Variants in TFIP11 observed in about 807,000 individuals in gnomAD.
TFIP11 encodes the protein tuftelin interacting protein 11.
In TFIP11, 86 loss-of-function variants were observed where a neutral mutation model predicts 96.8. The observed-to-expected ratio is 0.89, with a 90% CI of 0.75 to 1.06. The LOEUF (loss-of-function observed/expected upper bound fraction) is 1.06. Ranked by LOEUF, TFIP11 falls within the 50% of genes least tolerant of loss-of-function variation. The pLI is 0.00. For missense variants in TFIP11, 881 were observed against 1,076.7 expected, an observed-to-expected ratio of 0.82 and a Z score of 2.54; for synonymous variants, 405 against 395.2, an observed-to-expected ratio of 1.02 and a Z score of -0.29.
intron 7 of TFIP11, among the ~76,000 whole-genome samples, chr22:26,502,583 G>A (rs929991347): frequency 2.0e-5 from 3 of 152,130 alleles, no homozygotes; most frequent in African/African-American, 4.8e-5. Context: ...GCCTGTTTAC[G>A]AACACAAATT....
At chr22:26,494,613 G>C (rs937860765) in intron 13 of TFIP11, 184 bp downstream of exon 13, 72 of 897,542 alleles carry the variant, frequency 8.0e-5, no homozygotes, top group Admixed American at 1.7e-4. Context: ...GCTTGGAACA[G>C]CTTCTGATAC....
intron 2 of TFIP11, chr22:26,511,800 T>C (rs1924094398): frequency 6.6e-6 from 1 of 152,188 alleles, no homozygotes; most frequent in Non-Finnish European, 1.5e-5. Context: ...GTGCACCGGT[T>C]GGGTGCAACG....
At chr22:26,511,414 A>C (rs1043874382) in intron 2 of TFIP11, 1 of 152,184 alleles carries the variant, frequency 6.6e-6, no homozygotes, top group Non-Finnish European at 1.5e-5. Context: ...ACACCCACAT[A>C]GTCACACCCA....
At chr22:26,502,677 G>T (rs1387669310) in intron 7 of TFIP11, among the ~76,000 whole-genome samples, 1 of 152,148 alleles carries the variant, frequency 6.6e-6, no homozygotes, top group Admixed American at 6.5e-5. Context: ...TCTCATACTG[G>T]TTAAGACTTG....
At chr22:26,495,042 A>G (rs1381767334) in intron 12 of TFIP11, 103 bp from the exon 13 acceptor site, 9 of 1,489,636 alleles carry the variant, frequency 6.0e-6, no homozygotes, top group African/African-American at 1.4e-5. Context: ...GCTTACAGCA[A>G]CCTCCGCCTC....
At position 26,491,948 on chromosome 22, in the gene TFIP11, A is replaced by G. The variant is rs1029925692; in HGVS notation, c.*65T>C. ...ACCCTTTTGAAGGTGATCTAAAAAT[A>G]CTGTTTATTTACAGTACATCCCTCT... On this transcript the variant is annotated 3_prime_UTR_variant, in exon 15 of 15. Coordinates refer to ENST00000407690, the MANE Select transcript of TFIP11 (RefSeq NM_012143.4). The G allele has an allele frequency of 3.0e-5, 43 of 1,434,118 alleles. No homozygotes were observed. Among genetic ancestry groups the G allele is most frequent in the Non-Finnish European group, 4.0e-5 (42 of 1,054,986 alleles). 88.8% of individuals were successfully genotyped at this position (1,434,118 alleles called of 1,614,324 possible). A position where few individuals can be genotyped will look rare whatever the true frequency, so the allele number is the denominator to read the frequency against.
In TFIP11 at chr22:26,506,307, T is replaced by C. The variant is rs1450346961; in HGVS notation, c.516A>G (p.Ala172=). The C allele has an allele frequency of 6.2e-7, 1 of 1,605,804 alleles. No individual in the cohort carries two copies. Among genetic ancestry groups the C allele is most frequent in the Admixed American group, 1.7e-5 (1 of 57,612 alleles). The part of the protein sequence containing the change: ...YVPGRGLGKN[A]QGIINPIEAK... The stretch of plus-strand genomic sequence containing the variant: ...AAGACGACAAAGGTGCAATACCTTG[T>C]GCATTCTTCCCGAGGCCCCGTCCAG... Residue 172 remains alanine, a synonymous_variant, in exon 6 of 15, where the codon GCA becomes GCG. Transcript: ENST00000407690.
chr22:26,502,184 G>A (rs887418057), intron 7 of TFIP11, 132 bp from the exon 8 acceptor site: 2 of 1,113,954 alleles, frequency 1.8e-6, no homozygotes, highest in African/African-American at 1.5e-5. Flanking sequence ...ATGAAGGAAG[G>A]AAAGGATGCA....
At position 26,496,886 on chromosome 22, in the gene TFIP11, C is replaced by G. The variant is rs1433730056; in HGVS notation, c.1440G>C (p.Leu480Phe). 2 of 1,613,892 alleles carry G rather than the reference C, an allele frequency of 1.2e-6. No homozygotes were observed. Among genetic ancestry groups the G allele is most frequent in the Non-Finnish European group, 8.5e-7 (1 of 1,180,022 alleles). The change falls in exon 11 of 15, where the codon TTG (leucine) becomes TTC (phenylalanine). Residue 480 changes from leucine to phenylalanine, a missense_variant. Coordinates refer to ENST00000407690, the MANE Select transcript of TFIP11 (RefSeq NM_012143.4). ...CAAAAGGCATCCAGACTTCCCATAT[C>G]AACCTATGGGAGAAAGGCAGAGGAC... ...QDLSADAFHR[L>F]IWEVWMPFVR...
intron 8 of TFIP11, 115 bp downstream of exon 8, chr22:26,501,785 C>CA (rs371327421): frequency 0.018 from 4,753 of 261,134 alleles, 11 homozygotes; most frequent in African/African-American, 0.049. Flanking sequence ...AGCAAGGTAC[C>CA]AAAAAAAAAA....
At chr22:26,499,952 G>C (rs1922573236) in intron 8 of TFIP11, among the ~76,000 whole-genome samples, 1 of 152,156 alleles carries the variant, frequency 6.6e-6, no homozygotes, top group Non-Finnish European at 1.5e-5. Flanking sequence ...TGGAAAGGTA[G>C]AAGCTGTACT....
chr22:26,502,032 G>A lies in TFIP11; in HGVS notation c.669C>T (p.Ser223=), dbSNP rs2147137659. The A allele has an allele frequency of 6.2e-7, 1 of 1,613,922 alleles. No homozygotes were observed. Among genetic ancestry groups the A allele is most frequent in the South Asian group, 1.1e-5 (1 of 91,060 alleles). ...TTCCACTTGGGTCTTTCCTCCACTG[G>A]CTCAGCTCCTTCTGAAACTCCTGAA... ...EAEEEFQKEL[S]QWRKDPSGSK... is the part of the protein sequence containing the mutation. The change falls in exon 8 of 15, where the codon AGC becomes AGT. Residue 223 remains serine, a synonymous_variant. Transcript: ENST00000407690.
At chr22:26,494,578 G>A (rs1602195604) in intron 13 of TFIP11, 2 of 732,406 alleles carry the variant, frequency 2.7e-6, no homozygotes, top group East Asian at 5.4e-5. Context: ...GTTGCTGAGA[G>A]GAGCTGAGAT....
rs528259873 is a variant in TFIP11 at position 26,491,567 on chromosome 22, G to T, written c.*446C>A. The T allele has an allele frequency of 1.9e-6, 3 of 1,614,098 alleles. No homozygotes were observed. The highest frequency in any genetic ancestry group is 1.1e-5 in the South Asian group (1 of 91,080). ...GGTTCCCTGTGCAAAAGCTAGAACA[G>T]CTCTCCATAGATATTTGGGAGTTTC... On this transcript the variant is annotated 3_prime_UTR_variant, in exon 15 of 15. Transcript: ENST00000407690.
In TFIP11 at chr22:26,506,891, C is replaced by A. The variant is rs143474250; in HGVS notation, c.247G>T (p.Ala83Ser). Reference protein sequence around the residue: ...DYSAPVNFISAGLKKGAAEEA... With the variant: ...DYSAPVNFISSGLKKGAAEEA... ...TCCGCTGCCCCTTTCTTGAGCCCTG[C>A]GCTGATGAAGTTGACTGGCGCAGAG... Residue 83 changes from alanine to serine, a missense_variant, in exon 5 of 15, where the codon GCA becomes TCA. Transcript: ENST00000407690. 6.2e-7 allele frequency: 1 copy of A among 1,614,060 alleles called. No individual in the cohort carries two copies. Among genetic ancestry groups the A allele is most frequent in the Non-Finnish European group, 8.5e-7 (1 of 1,180,044 alleles).
In TFIP11 at chr22:26,492,058, C is replaced by T. The variant is rs34981548; in HGVS notation, c.2469G>A (p.Thr823=). The T allele has an allele frequency of 2.4e-3, 3,813 of 1,609,042 alleles. 50 individuals are homozygous for T. In the Admixed American group the frequency reaches 0.026, roughly 11 times the overall value. Residue 823 remains threonine, a synonymous_variant, in exon 15 of 15, where the codon ACG becomes ACA. Coordinates refer to ENST00000407690, the MANE Select transcript of TFIP11 (RefSeq NM_012143.4). The part of the protein sequence containing the change: ...RGVVFVQGEK[T]WVPTSLQSLI... ...GGCTCTGCAGTGAGGTGGGCACCCA[C>T]GTCTTCTCGCCCTGGACAAAGACCA...
At chr22:26,493,598 C>T (rs4822727) in intron 14 of TFIP11, 128,952 of 153,826 alleles carry the variant, frequency 0.84, 54,654 homozygotes, top group South Asian at 0.9. Flanking sequence ...AACTTGGGAA[C>T]AGATATAGTA....
chr22:26,512,270 AGAG>A (rs1348666281), intron 1 of TFIP11, 95 bp from the exon 2 acceptor site: 4 of 152,274 alleles, frequency 2.6e-5, no homozygotes, highest in African/African-American at 9.7e-5. Flanking sequence ...GTGCCTCGGC[AGAG>A]CTGTCTACGA....
Position 26,494,894 on chromosome 22 carries a change from A to G in TFIP11, c.1895T>C (p.Met632Thr). Residue 632 changes from methionine to threonine, a missense_variant, in exon 13 of 15, where the codon ATG becomes ACG. By Grantham distance (81) the Met-to-Thr change is moderately conservative. Coordinates refer to ENST00000407690, the MANE Select transcript of TFIP11 (RefSeq NM_012143.4). ...ELVINPHQQHMDAFYWVIDWE... is the reference protein window; with the variant it reads ...ELVINPHQQHTDAFYWVIDWE... ...GTCAATCACCCAATAGAATGCATCC[A>G]TGTGCTGCTGGTGGGGGTTAATGAC... is the stretch of plus-strand genomic sequence containing the variant. 6.2e-7 allele frequency: 1 copy of G among 1,614,202 alleles called. No homozygotes were observed. Among genetic ancestry groups the G allele is most frequent in the South Asian group, 1.1e-5 (1 of 91,086 alleles).
Sources: allele counts gnomAD v4.1 joint callset (sites outside exome capture counted in the v4.1 genomes callset), GRCh38; gene constraint gnomAD v4.1.1; transcripts MANE v1.5; gene names NCBI Gene and HGNC (gene_info 2026-07-23, HGNC 2026-07-21).